The following TOX2 variants were observed in gnomAD, a reference collection of about 807,000 sequenced individuals.
TOX2 encodes the protein granulosa cell HMG box 1.
A neutral mutation model predicts 47.4 loss-of-function variants in TOX2; 15 were observed. That is an observed-to-expected ratio of 0.32 (90% CI 0.21 to 0.49). TOX2 has a LOEUF of 0.49. TOX2 is among the 20% of genes least tolerant of loss of function. TOX2 has a pLI of 0.99. For missense variants in TOX2, 622 were observed against 673.1 expected (o/e 0.92, Z 0.84); for synonymous variants, 290 against 296.6 (o/e 0.98, Z 0.23).
intron 1 of TOX2, among the ~76,000 whole-genome samples, chr20:43,956,055 C>G (rs2069663959): frequency 6.6e-6 from 1 of 152,220 alleles, no homozygotes; most frequent in Non-Finnish European, 1.5e-5. Flanking sequence ...CAGGCTTTGG[C>G]AAATGCTGTT....
chr20:43,961,087 C>T (rs892621051), intron 1 of TOX2, among the ~76,000 whole-genome samples: 15 of 152,324 alleles, frequency 9.8e-5, no homozygotes, highest in Admixed American at 2.0e-4. Context: ...GATATTATGG[C>T]GCTAGGGTCC....
At chr20:43,945,835 C>T in intron 1 of TOX2, 1 of 1,584,658 alleles carries the variant, frequency 6.3e-7, no homozygotes. Flanking sequence ...GGCCTCCAGC[C>T]AATAGAGGAC....
chr20:43,936,945 C>T (rs1190053691), intron 1 of TOX2, among the ~76,000 whole-genome samples: 1 of 152,200 alleles, frequency 6.6e-6, no homozygotes, highest in Non-Finnish European at 1.5e-5. Context: ...AGACATTCAT[C>T]GAGTCCCTGC....
rs188512198 is a variant in TOX2 at position 43,987,480 on chromosome 20, C to T, written c.165+14048C>T. 5.2e-3 allele frequency among the ~76,000 whole-genome samples: 797 copies of T among 152,222 alleles called. 3 individuals are homozygous for T. The highest frequency in any genetic ancestry group is 0.018 in the African/African-American group (742 of 41,518). ...GTTCACTTTATGAAAATTCATTGAG[C>T]TGTACATTTATGATTTGTGCACTTT... On this transcript the variant is annotated intron_variant, in intron 2 of 8. Coordinates refer to ENST00000341197, the MANE Select transcript of TOX2 (RefSeq NM_001098797.2).
chr20:43,989,621 A>T (rs939822904), intron 2 of TOX2, among the ~76,000 whole-genome samples: 8 of 152,024 alleles, frequency 5.3e-5, no homozygotes, highest in African/African-American at 1.7e-4. Flanking sequence ...CTCTACTAAA[A>T]ATACAAAAAT....
At chr20:43,972,530 A>T (rs2145472931) in intron 1 of TOX2, among the ~76,000 whole-genome samples, 1 of 152,326 alleles carries the variant, frequency 6.6e-6, no homozygotes, top group South Asian at 2.1e-4. Context: ...ACTAACTGGA[A>T]TTAAGTCCTC....
chr20:44,067,024 G>T (rs375547649), intron 8 of TOX2, among the ~76,000 whole-genome samples, 167 bp downstream of exon 8: 28 of 152,346 alleles, frequency 1.8e-4, no homozygotes, highest in East Asian at 9.7e-4. Context: ...GCAGAGCCAG[G>T]CCCCGGAAGG....
At chr20:43,957,580 T>C (rs577414555) in intron 1 of TOX2, among the ~76,000 whole-genome samples, 60 of 152,150 alleles carry the variant, frequency 3.9e-4, no homozygotes, top group African/African-American at 1.4e-3. Context: ...TTTTTTTTTT[T>C]TTTTTTTGGC....
At position 44,065,781 on chromosome 20, in the gene TOX2, C is replaced by A. The variant is rs769206668; in HGVS notation, c.1030C>A (p.Gln344Lys). ...NPPAKMLPPKQPMYAMPGLAS... is the reference protein window; with the variant it reads ...NPPAKMLPPKKPMYAMPGLAS... ...ACCAGCCAAAATGCTCCCACCCAAG[C>A]AGCCCATGTATGCCATGCCAGGCCT... is the stretch of plus-strand genomic sequence containing the variant. Residue 344 changes from glutamine to lysine, a missense_variant, in exon 7 of 9, where the codon CAG (glutamine) becomes AAG (lysine). Coordinates refer to ENST00000341197, the MANE Select transcript of TOX2 (RefSeq NM_001098797.2). 11 of 1,611,516 alleles carry A rather than the reference C, an allele frequency of 6.8e-6. No individual in the cohort carries two copies. In the Admixed American group the frequency reaches 1.0e-4, roughly 15 times the overall value.
At chr20:44,062,314 C>A (rs561578235) in intron 5 of TOX2, among the ~76,000 whole-genome samples, 4 of 151,880 alleles carry the variant, frequency 2.6e-5, no homozygotes, top group Non-Finnish European at 4.4e-5. Context: ...CTGCTATACA[C>A]CAACAGTGAC....
intron 4 of TOX2, among the ~76,000 whole-genome samples, chr20:44,053,439 T>TATACACACACACACACACACACAC (rs373458500): frequency 7.0e-6 from 1 of 143,108 alleles, no homozygotes; most frequent in African/African-American, 2.6e-5. Context: ...GGCAGATATA[T>TATACACACACACACACACACACAC]ACACACACAC....
At chr20:44,024,658 T>G (rs910284215) in intron 3 of TOX2, among the ~76,000 whole-genome samples, 2 of 152,072 alleles carry the variant, frequency 1.3e-5, no homozygotes, top group Non-Finnish European at 2.9e-5. Context: ...AAAAAAAAAT[T>G]AAACCAACAA....
chr20:44,061,672 G>A (rs2071721042), intron 5 of TOX2, among the ~76,000 whole-genome samples: 1 of 151,930 alleles, frequency 6.6e-6, no homozygotes, highest in African/African-American at 2.4e-5. Flanking sequence ...GGAAGTCAAA[G>A]TGTTGCTGTT....
At chr20:44,020,520 C>T (rs2070958715) in intron 3 of TOX2, among the ~76,000 whole-genome samples, 4 of 152,190 alleles carry the variant, frequency 2.6e-5, no homozygotes, top group African/African-American at 7.2e-5. Context: ...GGGCAGTTCT[C>T]GAGAAAGGGG....
rs535899425 is a variant in TOX2 at position 43,941,439 on chromosome 20, G to A, written c.99+26449G>A. 9.2e-5 allele frequency among the ~76,000 whole-genome samples: 14 copies of A among 151,452 alleles called. No individual in the cohort carries two copies. In the South Asian group the frequency reaches 2.7e-3, roughly 29 times the overall value. ...CCTCCGCCTCCCAGGATCGAGTGAT[G>A]CTCCTGCCTCAGCCTCCTGAGTAGC... On this transcript the variant is annotated intron_variant, in intron 1 of 8. Transcript: ENST00000341197.
intron 2 of TOX2, among the ~76,000 whole-genome samples, chr20:43,989,716 G>A (rs557529594): frequency 1.3e-5 from 2 of 151,130 alleles, no homozygotes; most frequent in East Asian, 2.0e-4. Context: ...GGAGGTGGAG[G>A]TTACAGTGAG....
At chr20:43,969,207 T>C (rs2069916998) in intron 1 of TOX2, among the ~76,000 whole-genome samples, 1 of 152,226 alleles carries the variant, frequency 6.6e-6, no homozygotes, top group Admixed American at 6.5e-5. Context: ...ACATGATACA[T>C]GAGTGAGCTG....
intron 3 of TOX2, among the ~76,000 whole-genome samples, chr20:44,010,211 G>A (rs540732028): frequency 2.0e-5 from 3 of 152,316 alleles, no homozygotes; most frequent in Admixed American, 6.5e-5. Flanking sequence ...AGGGCCACCT[G>A]ATTATAATAG....
At chr20:43,939,885 T>A (rs765429932) in intron 1 of TOX2, among the ~76,000 whole-genome samples, 7 of 152,224 alleles carry the variant, frequency 4.6e-5, no homozygotes, top group Admixed American at 6.5e-5. Context: ...ATTCAGTCGG[T>A]GCTGCTGCTG....
Sources: allele counts gnomAD v4.1 joint callset (sites outside exome capture counted in the v4.1 genomes callset), GRCh38; gene constraint gnomAD v4.1.1; transcripts MANE v1.5; gene names NCBI Gene and HGNC (gene_info 2026-07-23, HGNC 2026-07-21).